The following WASHC2A variants were observed in gnomAD, a reference collection of about 807,000 sequenced individuals.
The protein encoded by WASHC2A is WASH complex subunit 2A, also known as WASH complex subunit FAM21A.
In WASHC2A, 82 loss-of-function variants were observed where a neutral mutation model predicts 140.3. That is an observed-to-expected ratio of 0.58 (90% CI 0.49 to 0.70). The LOEUF (loss-of-function observed/expected upper bound fraction) is 0.70, where lower values mean the gene tolerates loss of function less well. Ranked by LOEUF, WASHC2A falls within the 30% of genes least tolerant of loss-of-function variation. WASHC2A has a pLI of 0.00. For synonymous variants in WASHC2A, 340 were observed against 560.8 expected (o/e 0.61, Z 5.56); for missense variants, 985 against 1,521.8 (o/e 0.65, Z 5.87).
At chr10:50,100,261 T>C (rs1457180534) in intron 17 of WASHC2A, among the ~76,000 whole-genome samples, 197 bp downstream of exon 17, 4 of 152,058 alleles carry the variant, frequency 2.6e-5, no homozygotes, top group Non-Finnish European at 4.4e-5. Flanking sequence ...GGCAGGCGGA[T>C]ACCTGAGGTC....
intron 17 of WASHC2A, among the ~76,000 whole-genome samples, chr10:50,103,834 T>TCTC (rs1183017676): frequency 6.6e-6 from 1 of 151,982 alleles, no homozygotes; most frequent in Non-Finnish European, 1.5e-5. Flanking sequence ...ATCCTGTAGC[T>TCTC]CTCCTCCTCC....
chr10:50,124,862 G>A (rs1249801290), intron 23 of WASHC2A, among the ~76,000 whole-genome samples: 1 of 135,868 alleles, frequency 7.4e-6, no homozygotes, highest in Non-Finnish European at 1.7e-5. Flanking sequence ...TATCTCTAAA[G>A]CTTGTGCATA....
rs1840901462 is a variant in WASHC2A at position 50,099,849 on chromosome 10, C to T, written c.1549-129C>T. ...ACAGCCCCCTCAGCTTGCTGCCTAT[C>T]ACAGCAGAGACTCCGTGCGTTTTCT... On this transcript the variant is annotated intron_variant, in intron 16 of 30. Coordinates refer to ENST00000282633, the MANE Select transcript of WASHC2A (RefSeq NM_001005751.3). The T allele has an allele frequency of 1.2e-5, 9 of 764,120 alleles. No individual in the cohort carries two copies. The South Asian group carries it at 1.5e-4, about 13-fold the overall frequency. The allele number at this position is 764,120 out of a possible 1,614,324, so 47.3% of individuals were successfully genotyped here.
At chr10:50,094,533 A>C (rs1158386504) in intron 13 of WASHC2A, among the ~76,000 whole-genome samples, 6 of 152,164 alleles carry the variant, frequency 3.9e-5, no homozygotes, top group Non-Finnish European at 8.8e-5. Flanking sequence ...GTTACTCCAT[A>C]GGTTTGTGGT....
At chr10:50,086,508 A>G (rs1358286921) in intron 7 of WASHC2A, among the ~76,000 whole-genome samples, 198 of 151,990 alleles carry the variant, frequency 1.3e-3, no homozygotes, top group African/African-American at 4.5e-3. Flanking sequence ...GGTTAGTTAC[A>G]TATGTATACA....
At chr10:50,121,831 A>G (rs2133026110) in intron 23 of WASHC2A, among the ~76,000 whole-genome samples, 1 of 148,630 alleles carries the variant, frequency 6.7e-6, no homozygotes, top group South Asian at 2.1e-4. Flanking sequence ...GTAAACTAAA[A>G]TCTACAAAAC....
At chr10:50,109,390 T>C (rs1464768756) in intron 19 of WASHC2A, among the ~76,000 whole-genome samples, 1 of 152,228 alleles carries the variant, frequency 6.6e-6, no homozygotes, top group Non-Finnish European at 1.5e-5. Context: ...TTTTTCAATC[T>C]GCTTTAGGAT....
chr10:50,095,682 C>G lies in WASHC2A; in HGVS notation c.1324C>G (p.Pro442Ala). 1 of 1,611,532 alleles carries G rather than the reference C, an allele frequency of 6.2e-7. No homozygotes were observed. Among genetic ancestry groups the G allele is most frequent in the Non-Finnish European group, 8.5e-7 (1 of 1,179,766 alleles). Reference sequence around the variant, plus strand: ...TGAGCAGCCCACTCCAAGGAAAAGCCCCTATGGTCCCCCTCCCACTGGCCT... The same window carrying G: ...TGAGCAGCCCACTCCAAGGAAAAGCGCCTATGGTCCCCCTCCCACTGGCCT... ...KPEQPTPRKS[P>A]YGPPPTGLFD... The change falls in exon 15 of 31, where the codon CCC (proline) becomes GCC (alanine). Residue 442 changes from proline (P) to alanine (A), a missense_variant. By Grantham distance (27) the Pro-to-Ala change is conservative. Transcript: ENST00000282633.
chr10:50,109,588 A>T (rs1340223163), intron 19 of WASHC2A, among the ~76,000 whole-genome samples: 1 of 152,142 alleles, frequency 6.6e-6, no homozygotes, highest in Non-Finnish European at 1.5e-5. Context: ...GGAGGAAATC[A>T]TGAGAAGCTC....
intron 20 of WASHC2A, among the ~76,000 whole-genome samples, chr10:50,112,982 C>T (rs1432251067): frequency 6.6e-6 from 1 of 151,384 alleles, no homozygotes; most frequent in Non-Finnish European, 1.5e-5. Context: ...AGTGATATTG[C>T]ACAACTCGAT....
At chr10:50,126,717 G>A (rs1294157312) in intron 26 of WASHC2A, among the ~76,000 whole-genome samples, 2 of 151,778 alleles carry the variant, frequency 1.3e-5, no homozygotes, top group East Asian at 1.9e-4. Flanking sequence ...GTCCTGAGCC[G>A]TAAACCTGAG....
rs778041957 is a variant in WASHC2A, at chr10:50,132,895, A to G, written c.3976A>G (p.Lys1326Glu). The G allele has an allele frequency of 1.1e-5, 17 of 1,611,900 alleles. No homozygotes were observed. The Middle Eastern group carries it at 9.0e-4, about 85-fold the overall frequency. The change falls in exon 31 of 31, where the codon AAG (lysine) becomes GAG (glutamate). Residue 1326 changes from lysine to glutamate, a missense_variant. Coordinates refer to ENST00000282633, the MANE Select transcript of WASHC2A (RefSeq NM_001005751.3). ...QAAPEPRFEHKVSNIFDDPLN... is the reference protein window; with the variant it reads ...QAAPEPRFEHEVSNIFDDPLN... ...CGCACCTGAACCAAGATTTGAACAC[A>G]AGGTGTCCAACATCTTTGATGATCC...
intron 21 of WASHC2A, among the ~76,000 whole-genome samples, chr10:50,115,571 T>A (rs1232463631): frequency 1.5e-5 from 2 of 137,410 alleles, no homozygotes; most frequent in South Asian, 2.5e-4. Context: ...CCTTTTACCC[T>A]AATGAGTACA....
chr10:50,089,087 C>T (rs1839647507), intron 8 of WASHC2A, among the ~76,000 whole-genome samples: 2 of 151,504 alleles, frequency 1.3e-5, no homozygotes, highest in African/African-American at 4.9e-5. Flanking sequence ...GCCTCAGCCT[C>T]CCAAGTAGCT....
In WASHC2A at chr10:50,069,452, C is replaced by T. The variant is rs1837596979; in HGVS notation, c.127-95C>T. 2.8e-6 allele frequency: 4 copies of T among 1,410,854 alleles called. No homozygotes were observed. The South Asian group carries it at 5.9e-5, about 21-fold the overall frequency. The allele number at this position is 1,410,854 out of a possible 1,614,324, so 87.4% of individuals were successfully genotyped here. ...AAAGCATTTCTTTCACATTCTAACA[C>T]TCAAAGGTGAAAGGAAATGGGTTCT... On this transcript the variant is annotated intron_variant, in intron 2 of 30. Coordinates refer to ENST00000282633, the MANE Select transcript of WASHC2A (RefSeq NM_001005751.3).
intron 20 of WASHC2A, 61 bp downstream of exon 20, chr10:50,110,331 T>G (rs1842173980): frequency 6.2e-7 from 1 of 1,605,240 alleles, no homozygotes; most frequent in Non-Finnish European, 8.5e-7. Context: ...AAAAGGAATC[T>G]GATGCACAAT....
rs556756261 is a variant in WASHC2A, at chr10:50,117,947, C to T, written c.2184C>T (p.Ser728=). The stretch of plus-strand genomic sequence containing the variant: ...CTGAGGCACCACCTTTGCTGTTCAG[C>T]GATGAAGAAGAGAAGGAGGCACAAC... ...TVSEAPPLLF[S]DEEEKEAQLG... is the part of the protein sequence containing the mutation. Residue 728 remains serine, a synonymous_variant, in exon 22 of 31, where the codon AGC becomes AGT. Coordinates refer to ENST00000282633, the MANE Select transcript of WASHC2A (RefSeq NM_001005751.3). The T allele has an allele frequency of 5.9e-4, 915 of 1,562,986 alleles. 1 individual carries two copies. Among genetic ancestry groups the T allele is most frequent in the Non-Finnish European group, 7.7e-4 (885 of 1,142,226 alleles).
intron 21 of WASHC2A, among the ~76,000 whole-genome samples, chr10:50,115,983 G>A (rs1842638018): frequency 6.6e-6 from 1 of 150,918 alleles, no homozygotes; most frequent in Middle Eastern, 3.4e-3. Flanking sequence ...AGGCATGGTG[G>A]TGCACGCCTG....
intron 4 of WASHC2A, among the ~76,000 whole-genome samples, chr10:50,079,171 C>G (rs1254012154): frequency 4.0e-5 from 6 of 150,198 alleles, no homozygotes; most frequent in Non-Finnish European, 7.4e-5. Flanking sequence ...TTCTTCCACT[C>G]AGGAAGGCAC....
Sources: allele counts gnomAD v4.1 joint callset (sites outside exome capture counted in the v4.1 genomes callset), GRCh38; gene constraint gnomAD v4.1.1; transcripts MANE v1.5; gene names NCBI Gene and HGNC (gene_info 2026-07-23, HGNC 2026-07-21).